GPRC5C: variants seen among roughly 807,000 people sequenced by gnomAD.
The protein encoded by GPRC5C is G protein-coupled receptor class C group 5 member C.
GPRC5C carries 22 observed loss-of-function variants against 31.4 expected under a neutral mutation model. That is an observed-to-expected ratio of 0.70 (90% CI 0.50 to 1.00). GPRC5C has a LOEUF of 1.00. Among genes scored for constraint, GPRC5C ranks in the 50% least tolerant of loss-of-function variants. The pLI, the probability that GPRC5C is intolerant of heterozygous loss-of-function variation, is 0.00. For synonymous variants in GPRC5C, 249 were observed against 257.5 expected (o/e 0.97, Z 0.32); for missense variants, 557 against 597.2 (o/e 0.93, Z 0.70).
intron 3 of GPRC5C, chr17:74,445,168 T>G (rs1411879077): frequency 6.6e-6 from 1 of 152,090 alleles, no homozygotes; most frequent in Admixed American, 6.6e-5. Context: ...GAGGATCCCT[T>G]GAACCCGGGA....
chr17:74,443,555 CT>C, intron 2 of GPRC5C: 1 of 622,862 alleles, frequency 1.6e-6, no homozygotes, highest in Non-Finnish European at 3.0e-6. Context: ...GGGTCAGGGG[CT>C]GGGGTGTCTA....
intron 1 of GPRC5C, among the ~76,000 whole-genome samples, chr17:74,438,736 A>C (rs2055480836): frequency 6.6e-6 from 1 of 152,178 alleles, no homozygotes; most frequent in Admixed American, 6.5e-5. Flanking sequence ...CTCCAAGTAC[A>C]TTTAAAACTT....
chr17:74,450,539 C>G (rs1213852380), downstream of GPRC5C: 3 of 152,240 alleles, frequency 2.0e-5, no homozygotes, highest in African/African-American at 7.2e-5. Flanking sequence ...GTGGGATCCT[C>G]AGGTAAGCGG....
chr17:74,449,458 T>C (rs2055689779), downstream of GPRC5C: 3 of 824,400 alleles, frequency 3.6e-6, no homozygotes, highest in South Asian at 4.3e-5. Context: ...ATCCTTGTCA[T>C]TGGAGCTGGG....
At chr17:74,449,661 C>T (rs550251792), downstream of GPRC5C, 27 of 247,684 alleles carry the variant, frequency 1.1e-4, no homozygotes, top group African/African-American at 6.1e-4. Flanking sequence ...GACACGCCCC[C>T]CTCCCCCCAA....
At chr17:74,443,186 C>A in intron 2 of GPRC5C, 1 of 193,188 alleles carries the variant, frequency 5.2e-6, no homozygotes, top group Non-Finnish European at 1.1e-5. Context: ...CAGGGCGGAA[C>A]ACACCGGGAA....
intron 2 of GPRC5C, chr17:74,443,524 C>G (rs1567963110): frequency 1.8e-6 from 1 of 558,764 alleles, no homozygotes; most frequent in South Asian, 1.6e-5. Flanking sequence ...AAGTTGCTGA[C>G]AGAGCATTTT....
intron 2 of GPRC5C, 141 bp from the exon 3 acceptor site, chr17:74,443,677 C>T (rs763204520): frequency 2.2e-5 from 17 of 762,726 alleles, no homozygotes; most frequent in African/African-American, 3.4e-5. Flanking sequence ...GTTGGCCACT[C>T]CTGGGTTAGA....
intron 1 of GPRC5C, 64 bp downstream of exon 1, chr17:74,432,205 G>A: frequency 7.7e-6 from 12 of 1,563,782 alleles, no homozygotes; most frequent in Non-Finnish European, 9.5e-6. Flanking sequence ...CACGTACCTG[G>A]AGCGCGGCGG....
chr17:74,445,750 T>C (rs1407994337), intron 3 of GPRC5C: 1 of 152,022 alleles, frequency 6.6e-6, no homozygotes, highest in Non-Finnish European at 1.5e-5. Flanking sequence ...AATACACCTT[T>C]CCTCCAGCAT....
At chr17:74,432,484 C>G in intron 1 of GPRC5C, 1 of 1,046,990 alleles carries the variant, frequency 9.6e-7, no homozygotes, top group Non-Finnish European at 1.1e-6. Flanking sequence ...GGAGTTGGCC[C>G]CAAACGCTGC....
rs11443312 is a variant in GPRC5C at position 74,440,980 on chromosome 17, A to ATT, written c.1051+163_1051+164dup. On this transcript the variant is annotated intron_variant, in intron 2 of 3. Transcript: ENST00000392627. This position sits in a 1 kb window ranked among gnomAD's most constrained non-coding sequence, Gnocchi z 4.4. Reference sequence around the variant, plus strand: ...TCTCTAAATTCCATTTAATTTAAAGATTTTTTTTTTTCAGTTGGGCATGGT... The same window carrying ATT: ...TCTCTAAATTCCATTTAATTTAAAGATTTTTTTTTTTTTCAGTTGGGCATGGT... Among the ~76,000 whole-genome samples, 208 of 149,656 alleles carry ATT rather than the reference A, an allele frequency of 1.4e-3. No individual in the cohort carries two copies. The highest frequency in any genetic ancestry group is 3.4e-3 in the Middle Eastern group (1 of 292).
At chr17:74,445,849 G>C (rs75661304) in intron 3 of GPRC5C, 3,626 of 152,130 alleles carry the variant, frequency 0.024, 136 homozygotes, top group East Asian at 0.17. Flanking sequence ...GCCAGGCAGA[G>C]AATTCAGGTT....
intron 1 of GPRC5C, chr17:74,432,639 C>T (rs958722559): frequency 2.4e-6 from 1 of 424,334 alleles, no homozygotes; most frequent in African/African-American, 2.2e-5. Context: ...GACGCCGCGC[C>T]AACTCCGCTC....
At chr17:74,441,745 G>C (rs979035598) in intron 2 of GPRC5C, among the ~76,000 whole-genome samples, 3 of 151,894 alleles carry the variant, frequency 2.0e-5, no homozygotes, top group African/African-American at 7.3e-5. Context: ...GATTGCCTGA[G>C]CCCAGGAGGT....
At chr17:74,444,579 G>A (rs2055596975) in intron 3 of GPRC5C, among the ~76,000 whole-genome samples, 1 of 152,176 alleles carries the variant, frequency 6.6e-6, no homozygotes, top group Admixed American at 6.5e-5. Context: ...AGGAAACAAG[G>A]AGGTCAGCTG....
intron 1 of GPRC5C, among the ~76,000 whole-genome samples, chr17:74,438,144 C>G (rs1449597041): frequency 6.8e-6 from 1 of 146,526 alleles, no homozygotes; most frequent in Non-Finnish European, 1.5e-5. Context: ...AGATGATCCT[C>G]TAACCTCAGC....
intron 2 of GPRC5C, among the ~76,000 whole-genome samples, chr17:74,442,832 GC>G (rs1398174304): frequency 1.2e-4 from 19 of 152,254 alleles, no homozygotes; most frequent in South Asian, 8.3e-4. Context: ...GGTGTGCATG[GC>G]GGGGGTGGAA....
intron 3 of GPRC5C, chr17:74,445,621 T>C (rs562458573): frequency 1.3e-5 from 2 of 152,418 alleles, no homozygotes; most frequent in Non-Finnish European, 1.5e-5. Context: ...ACAGGGGCCA[T>C]TGCAGACAGG....
Sources: gnomAD v4.1 joint callset for allele counts (sites outside exome capture counted in the v4.1 genomes callset) on GRCh38, gnomAD v4.1.1 for gene constraint, Gnocchi (gnomAD v3.1) non-coding constraint, MANE v1.5 for transcripts, NCBI Gene and HGNC (gene_info 2026-07-23, HGNC 2026-07-21) for gene names.